Variants in FARS2 observed in about 807,000 individuals in gnomAD.
FARS2 encodes phenylalanine--tRNA ligase, mitochondrial.
In FARS2, 40 loss-of-function variants were observed where a neutral mutation model predicts 46.4. The ratio of observed to expected loss-of-function variants is 0.86; its 90% CI spans 0.67 to 1.12. The LOEUF (loss-of-function observed/expected upper bound fraction) is 1.12. Among genes scored for constraint, FARS2 ranks in the 50% most tolerant of loss-of-function variants. The pLI is 0.00. For missense variants in FARS2, 513 were observed against 567.9 expected, an observed-to-expected ratio of 0.90 and a Z score of 0.98; for synonymous variants, 234 against 214.9, an observed-to-expected ratio of 1.09 and a Z score of -0.78.
intron 6 of FARS2, among the ~76,000 whole-genome samples, chr6:5,656,262 G>A (rs1253607999): frequency 1.3e-5 from 2 of 152,214 alleles, no homozygotes; most frequent in African/African-American, 4.8e-5. Context: ...TGGCTTTGCT[G>A]TGGAAGCCTT....
At chr6:5,624,262 A>G (rs976265687) in intron 6 of FARS2, among the ~76,000 whole-genome samples, 5 of 152,094 alleles carry the variant, frequency 3.3e-5, no homozygotes, top group Admixed American at 3.3e-4. Context: ...CGATGGGTGC[A>G]TCTCATTCCC....
At chr6:5,681,447 C>T (rs1275832279) in intron 6 of FARS2, among the ~76,000 whole-genome samples, 3 of 152,230 alleles carry the variant, frequency 2.0e-5, no homozygotes, top group African/African-American at 7.2e-5. Context: ...AATGGTTATC[C>T]ATGGCTCACA....
At chr6:5,664,177 T>C (rs1777990395) in intron 6 of FARS2, among the ~76,000 whole-genome samples, 2 of 152,268 alleles carry the variant, frequency 1.3e-5, no homozygotes, top group Non-Finnish European at 2.9e-5. Flanking sequence ...CAGTTCATTC[T>C]ATGCTCCCTG....
At chr6:5,739,382 G>C (rs1761171364) in intron 6 of FARS2, among the ~76,000 whole-genome samples, 1 of 151,954 alleles carries the variant, frequency 6.6e-6, no homozygotes, top group Middle Eastern at 3.4e-3. Context: ...CTAACTTCTA[G>C]CATGGCCATT....
chr6:5,355,374 G>GTT (rs796768184), intron 1 of FARS2, among the ~76,000 whole-genome samples: 41 of 131,662 alleles, frequency 3.1e-4, no homozygotes, highest in African/African-American at 5.1e-4. Flanking sequence ...TTTCCTTTTT[G>GTT]TTTTTTTTTT....
intron 4 of FARS2, among the ~76,000 whole-genome samples, chr6:5,438,246 GCCC>G (rs111391099): frequency 3.4e-3 from 122 of 35,808 alleles, no homozygotes; most frequent in African/African-American, 9.2e-3. Flanking sequence ...CCCACCCCCC[GCCC>G]CCCCCCCCAT....
intron 4 of FARS2, among the ~76,000 whole-genome samples, chr6:5,439,242 T>C (rs1354512888): frequency 6.6e-6 from 1 of 152,094 alleles, no homozygotes; most frequent in African/African-American, 2.4e-5. Flanking sequence ...GTCACTCCAG[T>C]GTCAGGCTGA....
At chr6:5,396,818 C>A (rs1041058519) in intron 2 of FARS2, among the ~76,000 whole-genome samples, 1 of 152,160 alleles carries the variant, frequency 6.6e-6, no homozygotes, top group African/African-American at 2.4e-5. Context: ...GGGCCCCTCA[C>A]CTTCACCTCT....
At chr6:5,467,023 T>G in intron 4 of FARS2, 2 of 985,098 alleles carry the variant, frequency 2.0e-6, no homozygotes, top group Non-Finnish European at 1.2e-6. Context: ...TGAATACAAA[T>G]TAAAGTTTTA....
At chr6:5,381,611 C>G (rs1408621956) in intron 2 of FARS2, among the ~76,000 whole-genome samples, 1 of 152,204 alleles carries the variant, frequency 6.6e-6, no homozygotes, top group Non-Finnish European at 1.5e-5. Context: ...CAGCAATCCT[C>G]TCTCTTTCCA....
At chr6:5,338,792 C>G (rs566930028) in intron 1 of FARS2, among the ~76,000 whole-genome samples, 1 of 152,250 alleles carries the variant, frequency 6.6e-6, no homozygotes, top group Admixed American at 6.5e-5. Flanking sequence ...TTAGCATCAC[C>G]CTTGTTTGTT....
intron 1 of FARS2, among the ~76,000 whole-genome samples, chr6:5,263,822 T>G (rs567759507): frequency 6.6e-6 from 1 of 152,332 alleles, no homozygotes; most frequent in South Asian, 2.1e-4. Flanking sequence ...CTAATCATAA[T>G]AAACAGTGTA....
At position 5,341,212 on chromosome 6, in the gene FARS2, TATATATATATATATATATA is replaced by T. The variant is rs1201071160; in HGVS notation, c.-21-27337_-21-27319del. Among the ~76,000 whole-genome samples, 64 of 6,492 alleles carry T rather than the reference TATATATATATATATATATA, an allele frequency of 9.9e-3. 3 individuals are homozygous for T. The highest frequency in any genetic ancestry group is 0.022 in the Non-Finnish European group (61 of 2,740). 4.3% of individuals were successfully genotyped at this position (6,492 alleles called of 152,430 possible). On this transcript the variant is annotated intron_variant, in intron 1 of 6. Coordinates refer to ENST00000274680, the MANE Select transcript of FARS2 (RefSeq NM_006567.5). ...AGATATATATATATATATATATATA[TATATATATATATATATATA>T]TATATTTTTTTTTTTTTTTTTTTTT...
At chr6:5,251,144 C>T in the FARS2 span, among the ~76,000 whole-genome samples, 1 of 152,146 alleles carries the variant, frequency 6.6e-6, no homozygotes, top group Non-Finnish European at 1.5e-5. Flanking sequence ...TTGATTCCAC[C>T]TATTACTAGG....
chr6:5,675,842 A>G (rs756301881), intron 6 of FARS2, among the ~76,000 whole-genome samples: 1 of 152,228 alleles, frequency 6.6e-6, no homozygotes, highest in Non-Finnish European at 1.5e-5. Flanking sequence ...GTAGGAAGTT[A>G]AATTTCACTG....
intron 1 of FARS2, among the ~76,000 whole-genome samples, chr6:5,286,742 T>C (rs1342334886): frequency 3.3e-5 from 5 of 152,226 alleles, no homozygotes; most frequent in African/African-American, 1.2e-4. Flanking sequence ...CATATAATTA[T>C]GTATATAGAA....
At chr6:5,466,440 C>A in intron 4 of FARS2, 1 of 792,120 alleles carries the variant, frequency 1.3e-6, no homozygotes, top group Non-Finnish European at 1.5e-6. Context: ...AGAGCCATGT[C>A]TTAGTCAGCT....
intron 4 of FARS2, among the ~76,000 whole-genome samples, chr6:5,450,355 G>T (rs1212466584): frequency 6.6e-6 from 1 of 151,904 alleles, no homozygotes; most frequent in Non-Finnish European, 1.5e-5. Context: ...GTGGTAACAG[G>T]GAGTGGGGGA....
chr6:5,500,949 AG>A (rs1767762571), intron 4 of FARS2, among the ~76,000 whole-genome samples: 1 of 151,124 alleles, frequency 6.6e-6, no homozygotes, highest in African/African-American at 2.4e-5. Context: ...AGAGAGAGAG[AG>A]AGAGAGAGAG....
Sources: gnomAD v4.1 joint callset for allele counts (sites outside exome capture counted in the v4.1 genomes callset) on GRCh38, gnomAD v4.1.1 for gene constraint, MANE v1.5 for transcripts, NCBI Gene and HGNC (gene_info 2026-07-23, HGNC 2026-07-21) for gene names.